NOP9: variants seen among roughly 807,000 people sequenced by gnomAD.
The protein encoded by NOP9 is NOP9 nucleolar protein.
A neutral mutation model predicts 63.0 loss-of-function variants in NOP9; 50 were observed. That is an observed-to-expected ratio of 0.79 (90% CI 0.63 to 1.00). The LOEUF (loss-of-function observed/expected upper bound fraction) is 1.00, where lower values mean the gene tolerates loss of function less well. NOP9 is among the 50% of genes least tolerant of loss of function. NOP9 has a pLI of 0.00. For synonymous variants in NOP9, 343 were observed against 332.8 expected, an observed-to-expected ratio of 1.03 and a Z score of -0.33; for missense variants, 758 against 803.0, an observed-to-expected ratio of 0.94 and a Z score of 0.68.
chr14:24,279,054 G>T, the NOP9 span, among the ~76,000 whole-genome samples: 1 of 152,168 alleles, frequency 6.6e-6, no homozygotes, highest in East Asian at 1.9e-4. Flanking sequence ...TATGAGGAAG[G>T]ACTTTCTAAT....
the NOP9 span, among the ~76,000 whole-genome samples, chr14:24,288,733 T>G: frequency 1.3e-5 from 2 of 152,208 alleles, no homozygotes; most frequent in Non-Finnish European, 1.5e-5. Context: ...GGAGTCAGGA[T>G]TTGCATGACA....
In NOP9 at chr14:24,303,302, T is replaced by C. The variant is rs1378401017; in HGVS notation, c.1284+88T>C. On this transcript the variant is annotated intron_variant, in intron 6 of 9. Coordinates refer to ENST00000267425, the MANE Select transcript of NOP9 (RefSeq NM_174913.3). ...ATCTAATCTTAAGTTTTTGTACCTC[T>C]GGACTCAGGAAGTCTAATGCCCAAG... 4 of 1,541,006 alleles carry C rather than the reference T, an allele frequency of 2.6e-6. No individual in the cohort carries two copies. The African/African-American group carries it at 4.1e-5, about 16-fold the overall frequency.
chr14:24,306,047 G>T lies in NOP9; in HGVS notation c.*952G>T. ...TTCAGGCTGCCAAAGAGGTCTCGAG[G>T]GTTTTGCTTGTACACGTCAAAGGTG... On this transcript the variant is annotated 3_prime_UTR_variant, in exon 10 of 10. Transcript: ENST00000267425. 1 of 1,614,136 alleles carries T rather than the reference G, an allele frequency of 6.2e-7. No homozygotes were observed. The highest frequency in any genetic ancestry group is 8.5e-7 in the Non-Finnish European group (1 of 1,180,022).
In NOP9 at chr14:24,306,425, A is replaced by C; in HGVS notation, c.*1330A>C. 6.2e-7 allele frequency: 1 copy of C among 1,614,228 alleles called. No homozygotes were observed. Among genetic ancestry groups the C allele is most frequent in the Non-Finnish European group, 8.5e-7 (1 of 1,180,030 alleles). ...ACTGCAACACCATCAGGCACGTGTCATCCTCCAGCAGCTGGAAGAAGTCCT... is the reference window on the plus strand; with the variant it reads ...ACTGCAACACCATCAGGCACGTGTCCTCCTCCAGCAGCTGGAAGAAGTCCT... On this transcript the variant is annotated 3_prime_UTR_variant, in exon 10 of 10. Coordinates refer to ENST00000267425, the MANE Select transcript of NOP9 (RefSeq NM_174913.3).
At chr14:24,293,589 T>C in the NOP9 span, 1 of 151,168 alleles carries the variant, frequency 6.6e-6, no homozygotes, top group African/African-American at 2.4e-5. Context: ...AATAAATAAA[T>C]AAAAAGAAAG....
the NOP9 span, chr14:24,292,595 C>CTA: frequency 6.2e-7 from 1 of 1,613,910 alleles, no homozygotes; most frequent in Non-Finnish European, 8.5e-7. Context: ...ACCTCCTGAG[C>CTA]TATAGGTAAC....
Position 24,300,511 on chromosome 14 carries a change from T to C in NOP9, c.351T>C (p.Ser117=), listed in dbSNP as rs768704589. The C allele has an allele frequency of 3.7e-5, 60 of 1,614,116 alleles. No homozygotes were observed. The highest frequency in any genetic ancestry group is 4.9e-5 in the Non-Finnish European group (58 of 1,180,036). The change falls in exon 2 of 10, where the codon AGT becomes AGC. Residue 117 remains serine, a synonymous_variant. Coordinates refer to ENST00000267425, the MANE Select transcript of NOP9 (RefSeq NM_174913.3). ...SEMLQELLGF[S]PLKPLCRVWA... ...TGCTGCAGGAACTGTTGGGATTCAG[T>C]CCCTTGAAACCGCTTTGTCGCGTGT...
chr14:24,303,663 T>A (rs2041419528), intron 6 of NOP9, 69 bp from the exon 7 acceptor site: 2 of 1,522,520 alleles, frequency 1.3e-6, no homozygotes, highest in African/African-American at 1.4e-5. Context: ...TTCCTGAAGG[T>A]GTTCCCTTAA....
At chr14:24,289,101 C>T in the NOP9 span, among the ~76,000 whole-genome samples, 1 of 150,334 alleles carries the variant, frequency 6.7e-6, no homozygotes, top group African/African-American at 2.5e-5. Flanking sequence ...CTCAGCCTCC[C>T]GAGTAGCTAG....
the NOP9 span, chr14:24,291,910 G>C: frequency 2.0e-5 from 12 of 600,568 alleles, no homozygotes; most frequent in African/African-American, 2.2e-4. Context: ...TGGTGTGGGG[G>C]TCAAGTGCAT....
chr14:24,282,447 G>A, the NOP9 span, among the ~76,000 whole-genome samples: 155 of 152,272 alleles, frequency 1.0e-3, no homozygotes, highest in Middle Eastern at 3.4e-3. Flanking sequence ...CAATAAACCT[G>A]AATTCTCTCA....
chr14:24,303,030 G>A (rs372781354), intron 5 of NOP9, 44 bp from the exon 6 acceptor site: 18 of 1,494,608 alleles, frequency 1.2e-5, no homozygotes, highest in African/African-American at 7.2e-5. Context: ...AATGTGGTCC[G>A]CCATTACCAG....
In NOP9 at chr14:24,306,243, T is replaced by C; in HGVS notation, c.*1148T>C. ...TCCCTCGCTTGGACTTTCTGTCCACTGTGTGACATCCTTGACAATTCCACA... is the reference window on the plus strand; with the variant it reads ...TCCCTCGCTTGGACTTTCTGTCCACCGTGTGACATCCTTGACAATTCCACA... On this transcript the variant is annotated 3_prime_UTR_variant, in exon 10 of 10. Coordinates refer to ENST00000267425, the MANE Select transcript of NOP9 (RefSeq NM_174913.3). The C allele has an allele frequency of 6.6e-7, 1 of 1,516,698 alleles. No homozygotes were observed. The allele number at this position is 1,516,698 out of a possible 1,614,324, so 94.0% of individuals were successfully genotyped here. A position where few individuals can be genotyped will look rare whatever the true frequency, so the allele number is the denominator to read the frequency against.
chr14:24,292,726 G>A, the NOP9 span: 5 of 1,614,180 alleles, frequency 3.1e-6, no homozygotes, highest in Non-Finnish European at 4.2e-6. Flanking sequence ...ACCACGATGA[G>A]CCCCTGGCCA....
At position 24,306,678 on chromosome 14, in the gene NOP9, G is replaced by T; in HGVS notation, c.*1583G>T. On this transcript the variant is annotated 3_prime_UTR_variant, in exon 10 of 10. Transcript: ENST00000267425. ...CCTCCTAAAGGTTGCAGCTCTCCGT[G>T]TTCTTCAGTTTTTGGGGGATCCTAG... The T allele has an allele frequency of 1.1e-6, 1 of 874,262 alleles. No homozygotes were observed. Among genetic ancestry groups the T allele is most frequent in the Non-Finnish European group, 1.7e-6 (1 of 571,724 alleles). The allele number at this position is 874,262 out of a possible 1,614,324, so 54.2% of individuals were successfully genotyped here. A position where few individuals can be genotyped will look rare whatever the true frequency, so the allele number is the denominator to read the frequency against.
chr14:24,304,031 G>A lies in NOP9; in HGVS notation c.1411-10G>A. ...TGGTGCCTCCTAATTTCTTATCTCT[G>A]CGCTGCCAGGTGGCAATGGCCGCAG... On this transcript the variant is annotated splice_polypyrimidine_tract_variant and intron_variant, in intron 7 of 9. Transcript: ENST00000267425. The A allele has an allele frequency of 6.2e-7, 1 of 1,612,336 alleles. No individual in the cohort carries two copies. The highest frequency in any genetic ancestry group is 1.1e-5 in the South Asian group (1 of 91,046).
At chr14:24,296,975 A>C, upstream of NOP9, 6 of 1,555,108 alleles carry the variant, frequency 3.9e-6, no homozygotes, top group Non-Finnish European at 4.4e-6. Context: ...AACTGAGAAG[A>C]CAATCAATCC....
At position 24,307,435 on chromosome 14, in the gene NOP9, C is replaced by T. The variant is rs1265706176; in HGVS notation, c.*2340C>T. The T allele has an allele frequency of 7.4e-6, 12 of 1,613,980 alleles. No individual in the cohort carries two copies. In the African/African-American group the frequency reaches 8.0e-5, roughly 11 times the overall value. On this transcript the variant is annotated 3_prime_UTR_variant, in exon 10 of 10. Transcript: ENST00000267425. ...TTTCCGGATGGTCCGCTTGTGATCACAGACACGGAAAGGTCGCTGGGGTGG... is the reference window on the plus strand; with the variant it reads ...TTTCCGGATGGTCCGCTTGTGATCATAGACACGGAAAGGTCGCTGGGGTGG...
upstream of NOP9, chr14:24,298,715 G>C (rs1263284725): frequency 2.3e-6 from 1 of 443,956 alleles, no homozygotes; most frequent in African/African-American, 2.0e-5. Flanking sequence ...TAGCTGCTGG[G>C]ACTGCAGGAA....
Sources: gnomAD v4.1 joint callset for allele counts (sites outside exome capture counted in the v4.1 genomes callset) on GRCh38, gnomAD v4.1.1 for gene constraint, MANE v1.5 for transcripts, NCBI Gene and HGNC (gene_info 2026-07-23, HGNC 2026-07-21) for gene names.